Variants in MAGI1 observed in about 807,000 individuals in gnomAD.
MAGI1 encodes membrane associated guanylate kinase, WW and PDZ domain containing 1.
Under a neutral mutation model 139.9 loss-of-function variants are expected in MAGI1, and 58 were observed. The observed-to-expected ratio is 0.41, with a 90% CI of 0.34 to 0.52. The LOEUF is 0.52. Among genes scored for constraint, MAGI1 ranks in the 20% least tolerant of loss-of-function variants. The pLI, the probability that MAGI1 is intolerant of heterozygous loss-of-function variation, is 0.12. For missense variants in MAGI1, 1,874 were observed against 1,901.6 expected (o/e 0.99, Z 0.27); for synonymous variants, 812 against 737.9 (o/e 1.10, Z -1.63).
chr3:65,997,783 C>A (rs2066529339), intron 1 of MAGI1, among the ~76,000 whole-genome samples: 1 of 152,124 alleles, frequency 6.6e-6, no homozygotes, highest in Admixed American at 6.5e-5. Context: ...CCACACACAC[C>A]CTCTCCCCCT....
In MAGI1 at chr3:65,469,353, A is replaced by C. The variant is rs528413543; in HGVS notation, c.959+930T>G. On this transcript the variant is annotated intron_variant, in intron 5 of 22. Transcript: ENST00000402939. ...ATCAGCCATTTTCTTTTTCTTTCTC[A>C]GTGGTACATTAAAACATGGTGAATC... Among the ~76,000 whole-genome samples the C allele has an allele frequency of 4.6e-5, 7 of 152,138 alleles. No homozygotes were observed. The East Asian group carries it at 1.4e-3, about 29-fold the overall frequency.
chr3:65,819,600 T>TG (rs1249760628), intron 1 of MAGI1, among the ~76,000 whole-genome samples: 2 of 151,844 alleles, frequency 1.3e-5, no homozygotes, highest in East Asian at 3.9e-4. Context: ...AGGTTGAGGC[T>TG]GGGCACAGTT....
In MAGI1 at chr3:65,895,647, T is replaced by A. The variant is rs548445816; in HGVS notation, c.313+142349A>T. 4.6e-5 allele frequency among the ~76,000 whole-genome samples: 7 copies of A among 152,338 alleles called. No homozygotes were observed. The East Asian group carries it at 1.2e-3, about 25-fold the overall frequency. ...ATAACTTAACCTAAATTCATTATAG[T>A]TTCATGTGCCAAGTGCACAGTAATG... On this transcript the variant is annotated intron_variant, in intron 1 of 22. Coordinates refer to ENST00000402939, the MANE Select transcript of MAGI1 (RefSeq NM_001033057.2).
intron 1 of MAGI1, among the ~76,000 whole-genome samples, chr3:65,819,694 T>A (rs551268721): frequency 6.6e-6 from 1 of 151,456 alleles, no homozygotes; most frequent in Non-Finnish European, 1.5e-5. Context: ...CTGACCAACA[T>A]AGTGAAACCT....
intron 1 of MAGI1, among the ~76,000 whole-genome samples, chr3:65,766,497 C>T (rs1184295248): frequency 6.6e-6 from 1 of 152,148 alleles, no homozygotes; most frequent in Non-Finnish European, 1.5e-5. Flanking sequence ...CTCTTGACCT[C>T]AGGTGATCCG....
At chr3:65,862,560 C>T (rs2059591050) in intron 1 of MAGI1, among the ~76,000 whole-genome samples, 1 of 152,216 alleles carries the variant, frequency 6.6e-6, no homozygotes, top group African/African-American at 2.4e-5. Context: ...CACAGCCTCA[C>T]ATGTAACGTG....
intron 1 of MAGI1, among the ~76,000 whole-genome samples, chr3:65,760,027 T>C (rs1015306277): frequency 1.3e-5 from 2 of 152,134 alleles, no homozygotes; most frequent in African/African-American, 4.8e-5. Flanking sequence ...TGTAATAGAA[T>C]TGTGTTGGAA....
intron 2 of MAGI1, among the ~76,000 whole-genome samples, chr3:65,599,679 T>G (rs1309787544): frequency 6.6e-6 from 1 of 152,240 alleles, no homozygotes; most frequent in Non-Finnish European, 1.5e-5. Flanking sequence ...CACCTATCAC[T>G]ACTGCTACTA....
At chr3:65,862,310 T>C (rs779113100) in intron 1 of MAGI1, among the ~76,000 whole-genome samples, 2 of 152,184 alleles carry the variant, frequency 1.3e-5, no homozygotes, top group African/African-American at 4.8e-5. Context: ...ATATGGTTGA[T>C]GTGTATTAAG....
intron 2 of MAGI1, among the ~76,000 whole-genome samples, chr3:65,561,346 T>C (rs1168264902): frequency 6.6e-6 from 1 of 152,128 alleles, no homozygotes; most frequent in Non-Finnish European, 1.5e-5. Context: ...AATCTATGGC[T>C]GGGGCAAATG....
chr3:65,989,499 C>T (rs1007916531), intron 1 of MAGI1, among the ~76,000 whole-genome samples: 5 of 152,164 alleles, frequency 3.3e-5, no homozygotes, highest in Middle Eastern at 3.4e-3. Context: ...AGGAGTGGTA[C>T]GTGAGATGAA....
Position 65,421,568 on chromosome 3 carries a change from C to T in MAGI1, c.2167+7952G>A, listed in dbSNP as rs553290249. ...TGTAACTTGCTGATAGCTCATATGG[C>T]AGATTATACATATTTGATATATAAA... On this transcript the variant is annotated intron_variant, in intron 12 of 22. Transcript: ENST00000402939. Among the ~76,000 whole-genome samples the T allele has an allele frequency of 5.3e-5, 8 of 152,268 alleles. No individual in the cohort carries two copies. The South Asian group carries it at 1.7e-3, about 32-fold the overall frequency.
chr3:65,792,326 G>A (rs971586830), intron 1 of MAGI1, among the ~76,000 whole-genome samples: 1 of 152,006 alleles, frequency 6.6e-6, no homozygotes, highest in Non-Finnish European at 1.5e-5. Flanking sequence ...TTAGCCGGGT[G>A]TGGTGGTACA....
intron 18 of MAGI1, 29 bp downstream of exon 18, chr3:65,375,716 G>C (rs752715888): frequency 1.3e-6 from 2 of 1,518,676 alleles, no homozygotes; most frequent in East Asian, 2.3e-5. Context: ...AAAAGAGAGA[G>C]AGAGAGAGAG....
At chr3:65,734,831 G>C (rs6793206) in intron 1 of MAGI1, among the ~76,000 whole-genome samples, 1 of 150,246 alleles carries the variant, frequency 6.7e-6, no homozygotes, top group Middle Eastern at 3.2e-3. Context: ...ACAGCAGGAG[G>C]GGAGGACAGA....
At chr3:65,490,974 T>C (rs1358263431) in intron 3 of MAGI1, among the ~76,000 whole-genome samples, 2 of 152,118 alleles carry the variant, frequency 1.3e-5, no homozygotes, top group East Asian at 3.9e-4. Flanking sequence ...ATTAGTCCTG[T>C]GCCTAAGAAA....
At chr3:65,960,369 C>G (rs1413056920) in intron 1 of MAGI1, among the ~76,000 whole-genome samples, 3 of 152,144 alleles carry the variant, frequency 2.0e-5, no homozygotes, top group African/African-American at 7.2e-5. Context: ...TTTCACTGAA[C>G]CTCATACAAC....
chr3:65,996,624 C>CG (rs2066464483), intron 1 of MAGI1, among the ~76,000 whole-genome samples: 1 of 151,928 alleles, frequency 6.6e-6, no homozygotes, highest in Admixed American at 6.6e-5. Flanking sequence ...GTCAGACTTC[C>CG]GCTCGCTTCA....
intron 1 of MAGI1, among the ~76,000 whole-genome samples, chr3:65,696,242 C>T (rs1047415552): frequency 2.0e-5 from 3 of 152,172 alleles, no homozygotes; most frequent in Non-Finnish European, 2.9e-5. Context: ...CCTGCTCACC[C>T]TATGTAAAGA....
Sources: gnomAD v4.1 joint callset for allele counts (sites outside exome capture counted in the v4.1 genomes callset) on GRCh38, gnomAD v4.1.1 for gene constraint, MANE v1.5 for transcripts, NCBI Gene and HGNC (gene_info 2026-07-23, HGNC 2026-07-21) for gene names.